CAMK2D: variants seen among roughly 807,000 people sequenced by gnomAD.
CAMK2D encodes calcium/calmodulin-dependent protein kinase type II subunit delta.
A neutral mutation model predicts 84.0 loss-of-function variants in CAMK2D; 37 were observed. The ratio of observed to expected loss-of-function variants is 0.44; its 90% CI spans 0.34 to 0.58. CAMK2D has a LOEUF of 0.58. CAMK2D is among the 20% of genes least tolerant of loss of function. CAMK2D has a pLI of 0.02. For synonymous variants in CAMK2D, 202 were observed against 212.5 expected (o/e 0.95, Z 0.43); for missense variants, 448 against 652.5 (o/e 0.69, Z 3.41).
intron 2 of CAMK2D, among the ~76,000 whole-genome samples, chr4:113,741,352 C>T (rs925752182): frequency 6.6e-6 from 1 of 152,108 alleles, no homozygotes; most frequent in African/African-American, 2.4e-5. Context: ...TTTGCTGTCG[C>T]ACTTCAAACT....
intron 3 of CAMK2D, among the ~76,000 whole-genome samples, chr4:113,611,898 G>A (rs765898533): frequency 2.0e-5 from 3 of 151,944 alleles, no homozygotes; most frequent in Admixed American, 6.6e-5. Context: ...TTGACCATGC[G>A]AGATTATGAA....
intron 7 of CAMK2D, among the ~76,000 whole-genome samples, chr4:113,533,408 T>C (rs1016923401): frequency 2.6e-5 from 4 of 152,076 alleles, no homozygotes; most frequent in South Asian, 2.1e-4. Context: ...GAATCTAGGA[T>C]TATCATACTA....
chr4:113,556,058 C>A (rs1386608288), intron 4 of CAMK2D, among the ~76,000 whole-genome samples: 1 of 152,146 alleles, frequency 6.6e-6, no homozygotes, highest in Non-Finnish European at 1.5e-5. Flanking sequence ...TGAGAAATGT[C>A]TGTTGTTCAA....
At chr4:113,532,415 C>T (rs1438900059) in intron 7 of CAMK2D, among the ~76,000 whole-genome samples, 3 of 151,550 alleles carry the variant, frequency 2.0e-5, no homozygotes, top group Non-Finnish European at 4.4e-5. Context: ...CCATCTGTAC[C>T]TCAAACTCGA....
chr4:113,507,597 T>C (rs570794546), intron 13 of CAMK2D, among the ~76,000 whole-genome samples: 1 of 150,752 alleles, frequency 6.6e-6, no homozygotes, highest in African/African-American at 2.5e-5. Flanking sequence ...ATACAAAAAC[T>C]CTGGCACTTT....
chr4:113,680,644 G>A (rs1165737273), intron 2 of CAMK2D, among the ~76,000 whole-genome samples: 2 of 152,180 alleles, frequency 1.3e-5, no homozygotes, highest in African/African-American at 4.8e-5. Context: ...GGAATTATCT[G>A]GCTATGGACT....
chr4:113,631,561 G>A (rs1181295885), intron 3 of CAMK2D, among the ~76,000 whole-genome samples: 1 of 152,024 alleles, frequency 6.6e-6, no homozygotes, highest in Non-Finnish European at 1.5e-5. Context: ...GGAACACATC[G>A]GCTCCTCTCT....
chr4:113,581,299 A>C (rs1235252156), intron 4 of CAMK2D, among the ~76,000 whole-genome samples: 3 of 152,178 alleles, frequency 2.0e-5, no homozygotes, highest in East Asian at 3.9e-4. Context: ...GGATCACCTG[A>C]GGTCAGGAGT....
At chr4:113,660,051 C>T (rs6845568) in intron 3 of CAMK2D, among the ~76,000 whole-genome samples, 45,392 of 151,946 alleles carry the variant, frequency 0.3, 8,926 homozygotes, top group African/African-American at 0.56. Flanking sequence ...AATTGAATGC[C>T]CCTACACATA....
At chr4:113,688,005 A>G (rs557717280) in intron 2 of CAMK2D, among the ~76,000 whole-genome samples, 54 of 152,220 alleles carry the variant, frequency 3.5e-4, no homozygotes, top group Non-Finnish European at 6.0e-4. Context: ...TAAAACATTC[A>G]CTAGGTAGAT....
intron 7 of CAMK2D, 94 bp from the exon 8 acceptor site, chr4:113,531,393 C>T (rs2098457150): frequency 1.4e-6 from 1 of 720,550 alleles, no homozygotes; most frequent in Admixed American, 2.0e-5. Context: ...GCTTCTTTAT[C>T]TGATTATATG....
chr4:113,661,725 G>C lies in CAMK2D; in HGVS notation c.208C>G (p.His70Asp). The C allele has an allele frequency of 6.8e-7, 1 of 1,476,316 alleles. No individual in the cohort carries two copies. The allele number at this position is 1,476,316 out of a possible 1,614,324, so 91.5% of individuals were successfully genotyped here. A position where few individuals can be genotyped will look rare whatever the true frequency, so the allele number is the denominator to read the frequency against. ...AATACGTTCTCACCAATATTAGGGT[G>C]CTTCAAAAGACGGCAGATTCTAGCT... ...REARICRLLK[H>D]PNIVRLHDSI... Residue 70 changes from histidine to aspartate, a missense_variant, in exon 3 of 21, where the codon CAC (histidine) becomes GAC (aspartate). Coordinates refer to ENST00000511664, the MANE Select transcript of CAMK2D (RefSeq NM_001321571.2).
chr4:113,732,583 T>C (rs1298566915), intron 2 of CAMK2D, among the ~76,000 whole-genome samples: 1 of 152,210 alleles, frequency 6.6e-6, no homozygotes, highest in African/African-American at 2.4e-5. Flanking sequence ...TACATGATAA[T>C]TCACATATTT....
rs569024294 is a variant in CAMK2D, at chr4:113,531,063, G to C, written c.601+153C>G. 3.2e-3 allele frequency among the ~76,000 whole-genome samples: 491 copies of C among 152,266 alleles called. 2 individuals are homozygous for C. The highest frequency in any genetic ancestry group is 0.011 in the African/African-American group (462 of 41,552). On this transcript the variant is annotated intron_variant, in intron 8 of 20. Transcript: ENST00000511664. ...TGTACCACTGCACTCCAGCCTGGGC[G>C]ACAGAGCAAGACACTGTATCAAAAT...
chr4:113,697,704 T>C (rs1426478357), intron 2 of CAMK2D, among the ~76,000 whole-genome samples: 1 of 152,058 alleles, frequency 6.6e-6, no homozygotes, highest in Non-Finnish European at 1.5e-5. Flanking sequence ...ATAATACCTG[T>C]TTTAAGATAC....
intron 3 of CAMK2D, among the ~76,000 whole-genome samples, chr4:113,620,843 C>G (rs117279476): frequency 2.6e-5 from 4 of 152,174 alleles, no homozygotes; most frequent in Admixed American, 2.6e-4. Flanking sequence ...TTTTTAAGAA[C>G]CAAATTTAAG....
At chr4:113,728,005 C>T (rs761373207) in intron 2 of CAMK2D, among the ~76,000 whole-genome samples, 2 of 152,104 alleles carry the variant, frequency 1.3e-5, no homozygotes, top group Non-Finnish European at 2.9e-5. Flanking sequence ...CAAAGACTGA[C>T]AATACCAAAT....
At chr4:113,651,481 C>T (rs927777308) in intron 3 of CAMK2D, among the ~76,000 whole-genome samples, 3 of 152,072 alleles carry the variant, frequency 2.0e-5, no homozygotes, top group African/African-American at 7.2e-5. Flanking sequence ...AAAAGAAATG[C>T]TATAATTGAA....
chr4:113,715,284 C>T (rs2099509980), intron 2 of CAMK2D, among the ~76,000 whole-genome samples: 1 of 152,036 alleles, frequency 6.6e-6, no homozygotes, highest in African/African-American at 2.4e-5. Context: ...TTCTTCTTTT[C>T]CAGTATGAAA....
Sources: allele counts gnomAD v4.1 joint callset (sites outside exome capture counted in the v4.1 genomes callset), GRCh38; gene constraint gnomAD v4.1.1; transcripts MANE v1.5; gene names NCBI Gene and HGNC (gene_info 2026-07-23, HGNC 2026-07-21).